Variants in SYCP1 observed in about 807,000 individuals in gnomAD.
SYCP1 encodes the protein synaptonemal complex protein 1.
SYCP1 carries 64 observed loss-of-function variants against 153.1 expected under a neutral mutation model. That is an observed-to-expected ratio of 0.42 (90% CI 0.34 to 0.51). The LOEUF is 0.51. Ranked by LOEUF, SYCP1 falls within the 20% of genes least tolerant of loss-of-function variation. SYCP1 has a pLI of 0.06. For missense variants in SYCP1, 997 were observed against 1,049.0 expected (o/e 0.95, Z 0.68); for synonymous variants, 384 against 341.8 (o/e 1.12, Z -1.36).
chr1:114,895,869 T>C (rs1177620487), intron 16 of SYCP1, among the ~76,000 whole-genome samples: 1 of 152,152 alleles, frequency 6.6e-6, no homozygotes, highest in Non-Finnish European at 1.5e-5. Context: ...ATATTTAATG[T>C]TCAGGTAAAA....
At chr1:114,911,290 T>A (rs1668159497) in intron 17 of SYCP1, among the ~76,000 whole-genome samples, 189 bp from the exon 18 acceptor site, 1 of 152,086 alleles carries the variant, frequency 6.6e-6, no homozygotes, top group Admixed American at 6.6e-5. Flanking sequence ...AATTTACTTA[T>A]ACTGAATATG....
intron 6 of SYCP1, 106 bp downstream of exon 6, chr1:114,858,817 A>G: frequency 2.0e-6 from 2 of 1,002,334 alleles, no homozygotes; most frequent in Non-Finnish European, 2.9e-6. Flanking sequence ...TGTTTTTGTG[A>G]TGAATATTTT....
At chr1:114,961,386 G>A (rs1179203586) in intron 27 of SYCP1, among the ~76,000 whole-genome samples, 1 of 151,942 alleles carries the variant, frequency 6.6e-6, no homozygotes, top group Admixed American at 6.6e-5. Context: ...GCTGAATTTG[G>A]GTTTGGTTTG....
intron 10 of SYCP1, 83 bp downstream of exon 10, chr1:114,876,221 C>T: frequency 1.1e-6 from 1 of 873,170 alleles, no homozygotes; most frequent in African/African-American, 1.7e-5. Flanking sequence ...GTCTTCATCT[C>T]TTTAGCCTGA....
At chr1:114,880,940 C>T (rs1344934945) in intron 12 of SYCP1, among the ~76,000 whole-genome samples, 2 of 151,930 alleles carry the variant, frequency 1.3e-5, no homozygotes, top group Admixed American at 6.6e-5. Context: ...TTGTCACTTG[C>T]TAATAATAGT....
At chr1:114,939,196 G>T (rs1670233139) in intron 23 of SYCP1, among the ~76,000 whole-genome samples, 1 of 152,058 alleles carries the variant, frequency 6.6e-6, no homozygotes, top group African/African-American at 2.4e-5. Context: ...ACTAAATGTG[G>T]CCTCTACATA....
intron 10 of SYCP1, 128 bp downstream of exon 10, chr1:114,876,266 T>C: frequency 1.9e-6 from 1 of 539,252 alleles, no homozygotes; most frequent in Non-Finnish European, 3.0e-6. Flanking sequence ...TTTATTTCTG[T>C]AAGCCCCTCT....
intron 12 of SYCP1, 123 bp downstream of exon 12, chr1:114,878,325 G>C (rs987400347): frequency 1.5e-6 from 1 of 653,184 alleles, no homozygotes; most frequent in African/African-American, 1.9e-5. Context: ...AATCTGAGTT[G>C]GTTCGGTTGG....
intron 15 of SYCP1, among the ~76,000 whole-genome samples, chr1:114,895,132 CAGTGATG>C (rs1321101382): frequency 6.6e-6 from 1 of 152,046 alleles, no homozygotes; most frequent in Non-Finnish European, 1.5e-5. Context: ...GATGTTTAGA[CAGTGATG>C]AGTTGAAGGT....
chr1:114,950,649 A>G (rs1406258709), intron 27 of SYCP1, among the ~76,000 whole-genome samples: 1 of 151,856 alleles, frequency 6.6e-6, no homozygotes, highest in Non-Finnish European at 1.5e-5. Context: ...TACTATTGTT[A>G]CTTTTTTGAA....
intron 11 of SYCP1, 84 bp downstream of exon 11, chr1:114,876,894 C>A: frequency 3.0e-6 from 2 of 671,836 alleles, no homozygotes; most frequent in Non-Finnish European, 4.3e-6. Context: ...TTTATATTTA[C>A]TGAAAGTATG....
chr1:114,978,659 C>T (rs1031084419), intron 28 of SYCP1, among the ~76,000 whole-genome samples: 4 of 151,660 alleles, frequency 2.6e-5, no homozygotes, highest in Admixed American at 2.6e-4. Flanking sequence ...TATAGTTAAA[C>T]TGGAAGGAAA....
At chr1:114,902,534 C>T (rs1667536111) in intron 16 of SYCP1, among the ~76,000 whole-genome samples, 1 of 150,808 alleles carries the variant, frequency 6.6e-6, no homozygotes, top group African/African-American at 2.5e-5. Flanking sequence ...CTGGTTACCA[C>T]ATAAGAGCAG....
intron 11 of SYCP1, among the ~76,000 whole-genome samples, chr1:114,877,766 A>C (rs1443578802): frequency 6.6e-6 from 1 of 152,138 alleles, no homozygotes; most frequent in Non-Finnish European, 1.5e-5. Flanking sequence ...TCTGGAGCTG[A>C]ATTGGGCAGG....
chr1:114,941,775 A>G (rs1670407112), intron 23 of SYCP1, among the ~76,000 whole-genome samples: 1 of 152,148 alleles, frequency 6.6e-6, no homozygotes, highest in Admixed American at 6.6e-5. Context: ...TAGCACAGAC[A>G]TAATGCCACA....
chr1:114,885,335 G>C (rs1666219648), intron 12 of SYCP1, among the ~76,000 whole-genome samples, 200 bp from the exon 13 acceptor site: 3 of 151,948 alleles, frequency 2.0e-5, no homozygotes, highest in Non-Finnish European at 2.9e-5. Context: ...ATTTATTTTT[G>C]AGTTCTTGGG....
intron 23 of SYCP1, among the ~76,000 whole-genome samples, chr1:114,929,966 C>T (rs1669519735): frequency 6.6e-6 from 1 of 151,964 alleles, no homozygotes; most frequent in Non-Finnish European, 1.5e-5. Context: ...CCATATATTT[C>T]AGAAGACTGA....
intron 12 of SYCP1, among the ~76,000 whole-genome samples, chr1:114,882,561 A>T: frequency 6.7e-6 from 1 of 149,986 alleles, no homozygotes; most frequent in African/African-American, 2.5e-5. Context: ...TCCTTTTCTG[A>T]TTTTTTTATT....
intron 5 of SYCP1, among the ~76,000 whole-genome samples, chr1:114,858,055 T>G (rs1664133334): frequency 6.6e-6 from 1 of 152,046 alleles, no homozygotes; most frequent in Non-Finnish European, 1.5e-5. Flanking sequence ...CTCTGATATT[T>G]ACAATATAAT....
Sources: allele counts gnomAD v4.1 joint callset (sites outside exome capture counted in the v4.1 genomes callset), GRCh38; gene constraint gnomAD v4.1.1; transcripts MANE v1.5; gene names NCBI Gene and HGNC (gene_info 2026-07-23, HGNC 2026-07-21).